The following DCAF16 variants were observed in gnomAD, a reference collection of about 807,000 sequenced individuals.
DCAF16 encodes DDB1- and CUL4-associated factor 16.
Under a neutral mutation model 17.3 loss-of-function variants are expected in DCAF16, and 10 were observed. The ratio of observed to expected loss-of-function variants is 0.58; its 90% CI spans 0.36 to 0.98. DCAF16 has a LOEUF of 0.98. Among genes scored for constraint, DCAF16 ranks in the 50% least tolerant of loss-of-function variants. The pLI is 0.01. For synonymous variants in DCAF16, 111 were observed against 92.8 expected (o/e 1.20, Z -1.12); for missense variants, 249 against 247.6 (o/e 1.01, Z -0.04).
chr4:17,809,117 G>A (rs1466230026), intron 1 of DCAF16, among the ~76,000 whole-genome samples: 1 of 152,196 alleles, frequency 6.6e-6, no homozygotes, highest in African/African-American at 2.4e-5. Flanking sequence ...ACTAGCAGCT[G>A]AATATCTACA....
chr4:17,807,933 C>T (rs1720478575), intron 1 of DCAF16, among the ~76,000 whole-genome samples: 1 of 148,582 alleles, frequency 6.7e-6, no homozygotes, highest in South Asian at 2.2e-4. Context: ...GGCTTTCACA[C>T]ACTCCTAGCA....
At chr4:17,794,610 T>G in the DCAF16 span, among the ~76,000 whole-genome samples, 3 of 152,224 alleles carry the variant, frequency 2.0e-5, no homozygotes, top group Non-Finnish European at 4.4e-5. Flanking sequence ...GAGATTTCCC[T>G]AAGCAAATCA....
chr4:17,810,080 T>A (rs1257064171), intron 1 of DCAF16, among the ~76,000 whole-genome samples: 2 of 152,190 alleles, frequency 1.3e-5, no homozygotes, highest in Admixed American at 6.5e-5. Flanking sequence ...TAGAAGTATA[T>A]TGTAGGGTGG....
chr4:17,794,777 T>A, the DCAF16 span, among the ~76,000 whole-genome samples: 805 of 152,344 alleles, frequency 5.3e-3, 5 homozygotes, highest in African/African-American at 0.019. Flanking sequence ...ATACTTTTAA[T>A]GTCAAATTTT....
chr4:17,804,103 T>C lies in DCAF16; in HGVS notation c.39A>G (p.Glu13=). Residue 13 remains glutamate (E), a synonymous_variant, in exon 3 of 3, where the codon GAA becomes GAG. Transcript: ENST00000382247. The part of the protein sequence containing the change: ...PRNPSPDHLS[E]SESEEEENIS... ...TATTTTCTTCTTCCTCACTTTCTGATTCTGACAAGTGGTCAGGAGAGGGAT... is the reference window on the plus strand; with the variant it reads ...TATTTTCTTCTTCCTCACTTTCTGACTCTGACAAGTGGTCAGGAGAGGGAT... The C allele has an allele frequency of 3.7e-6, 6 of 1,614,146 alleles. No homozygotes were observed. Among genetic ancestry groups the C allele is most frequent in the Non-Finnish European group, 5.1e-6 (6 of 1,180,010 alleles).
At position 17,803,399 on chromosome 4, in the gene DCAF16, A is replaced by T; in HGVS notation, c.*92T>A. ...GCTTGCCAGGGCATAAGAGAGTTTGACTGAGAAGGCATTAGTGGGCTGTGT... is the reference window on the plus strand; with the variant it reads ...GCTTGCCAGGGCATAAGAGAGTTTGTCTGAGAAGGCATTAGTGGGCTGTGT... On this transcript the variant is annotated 3_prime_UTR_variant, in exon 3 of 3. Coordinates refer to ENST00000382247, the MANE Select transcript of DCAF16 (RefSeq NM_017741.4). 8.2e-7 allele frequency: 1 copy of T among 1,217,788 alleles called. No individual in the cohort carries two copies. 75.4% of individuals were successfully genotyped at this position (1,217,788 alleles called of 1,614,324 possible). A position where few individuals can be genotyped will look rare whatever the true frequency, so the allele number is the denominator to read the frequency against.
downstream of DCAF16, among the ~76,000 whole-genome samples, chr4:17,798,139 T>C (rs1719511766): frequency 6.6e-6 from 1 of 152,136 alleles, no homozygotes; most frequent in South Asian, 2.1e-4. Flanking sequence ...ACTCCCCTAA[T>C]GATCCCAGGA....
Position 17,804,358 on chromosome 4 carries a change from TCA to T in DCAF16, c.-219_-218del, listed in dbSNP as rs1720111000. ...ATTCTTCACTTACAAAGAAGACATCTCAGTTTCCAGGACCAGTTCAGTGTGTA... is the reference window on the plus strand; with the variant it reads ...ATTCTTCACTTACAAAGAAGACATCTGTTTCCAGGACCAGTTCAGTGTGTA... On this transcript the variant is annotated 5_prime_UTR_variant, in exon 3 of 3. Coordinates refer to ENST00000382247, the MANE Select transcript of DCAF16 (RefSeq NM_017741.4). The T allele has an allele frequency of 1.7e-6, 1 of 572,674 alleles. No homozygotes were observed. Among genetic ancestry groups the T allele is most frequent in the Non-Finnish European group, 3.2e-6 (1 of 314,172 alleles). 35.5% of individuals were successfully genotyped at this position (572,674 alleles called of 1,614,324 possible).
In DCAF16 at chr4:17,810,620, C is replaced by T. The variant is rs1720831019; in HGVS notation, c.-923G>A. 6.5e-6 allele frequency: 1 copy of T among 153,284 alleles called. No individual in the cohort carries two copies. Among genetic ancestry groups the T allele is most frequent in the South Asian group, 2.1e-4 (1 of 4,870 alleles). The allele number at this position is 153,284 out of a possible 1,614,324, so 9.5% of individuals were successfully genotyped here. On this transcript the variant is annotated 5_prime_UTR_variant, in exon 1 of 3. Transcript: ENST00000382247. ...GAGGTTGTTATCCTCGGCAGATCTC[C>T]CGTTCTCACTCTTGGAGGATCGCTT... is the stretch of plus-strand genomic sequence containing the variant.
At position 17,803,658 on chromosome 4, in the gene DCAF16, T is replaced by C. The variant is rs368671695; in HGVS notation, c.484A>G (p.Ile162Val). 16 of 1,614,220 alleles carry C rather than the reference T, an allele frequency of 9.9e-6. No individual in the cohort carries two copies. Among genetic ancestry groups the C allele is most frequent in the East Asian group, 2.2e-5 (1 of 44,884 alleles). ...GGGATCTGTTTTAGGTATTCAGGTA[T>C]GGGAGTGGCTCTACTCAATGTTCGG... ...LSRTLSRATP[I>V]PEYLKQIPNS... The change falls in exon 3 of 3, where the codon ATA (isoleucine) becomes GTA (valine). Residue 162 changes from isoleucine to valine, a missense_variant. Transcript: ENST00000382247.
At position 17,801,600 on chromosome 4, in the gene DCAF16, A is replaced by T. The variant is rs1201862903; in HGVS notation, c.*1891T>A. On this transcript the variant is annotated 3_prime_UTR_variant, in exon 3 of 3. Transcript: ENST00000382247. ...CACACACAGATTTCATTTTATTTGT[A>T]GAGTATATGAAAAGATTTAATAGTC... is the stretch of plus-strand genomic sequence containing the variant. 6.7e-6 allele frequency: 1 copy of T among 150,212 alleles called. No homozygotes were observed. The highest frequency in any genetic ancestry group is 1.5e-5 in the Non-Finnish European group (1 of 68,032). 9.3% of individuals were successfully genotyped at this position (150,212 alleles called of 1,614,324 possible). A position where few individuals can be genotyped will look rare whatever the true frequency, so the allele number is the denominator to read the frequency against.
At chr4:17,796,544 T>A (rs978761201), downstream of DCAF16, among the ~76,000 whole-genome samples, 1 of 151,904 alleles carries the variant, frequency 6.6e-6, no homozygotes, top group African/African-American at 2.4e-5. Context: ...CCATCTCTAC[T>A]AAAATACAAA....
chr4:17,809,680 G>C (rs1720684678), intron 1 of DCAF16: 1 of 152,036 alleles, frequency 6.6e-6, no homozygotes, highest in African/African-American at 2.4e-5. Context: ...CTTTGGCTGG[G>C]TTACAAATTA....
downstream of DCAF16, among the ~76,000 whole-genome samples, chr4:17,795,885 G>A (rs1357610663): frequency 6.6e-6 from 1 of 152,194 alleles, no homozygotes; most frequent in Non-Finnish European, 1.5e-5. Flanking sequence ...CGAGGGTCAA[G>A]CTGTTTTTTT....
intron 1 of DCAF16, among the ~76,000 whole-genome samples, chr4:17,805,995 T>C (rs1254950280): frequency 2.0e-5 from 3 of 152,060 alleles, no homozygotes; most frequent in Non-Finnish European, 4.4e-5. Context: ...AAAAGTGAAA[T>C]TAGCTAAAGA....
intron 1 of DCAF16, among the ~76,000 whole-genome samples, chr4:17,805,966 T>TACA (rs909608696): frequency 6.6e-6 from 1 of 152,182 alleles, no homozygotes; most frequent in East Asian, 1.9e-4. Flanking sequence ...GACTCTTCTC[T>TACA]ACAACAACAA....
At position 17,803,561 on chromosome 4, in the gene DCAF16, G is replaced by A. The variant is rs1448230147; in HGVS notation, c.581C>T (p.Pro194Leu). ...AGTGTAAGAATAAGTAGTGTTGATG[G>A]GTTCAGTACGAGTTGTTTCCTTAAC... ...KTVKETTRTE[P>L]INTTYSYTDF... Residue 194 changes from proline (P) to leucine (L), a missense_variant, in exon 3 of 3, where the codon CCC becomes CTC. Pro to Leu is a moderately conservative substitution (Grantham distance 98, BLOSUM62 -3). Transcript: ENST00000382247. 6 of 1,614,040 alleles carry A rather than the reference G, an allele frequency of 3.7e-6. No homozygotes were observed. The highest frequency in any genetic ancestry group is 5.1e-6 in the Non-Finnish European group (6 of 1,180,004).
At position 17,801,135 on chromosome 4, in the gene DCAF16, C is replaced by T. The variant is rs190557491; in HGVS notation, c.*2356G>A. 37 of 151,844 alleles carry T rather than the reference C, an allele frequency of 2.4e-4. No individual in the cohort carries two copies. Among genetic ancestry groups the T allele is most frequent in the African/African-American group, 8.7e-4 (36 of 41,294 alleles). 9.4% of individuals were successfully genotyped at this position (151,844 alleles called of 1,614,324 possible). On this transcript the variant is annotated 3_prime_UTR_variant, in exon 3 of 3. Transcript: ENST00000382247. ...TATTTACACAATTTGTGATTCCTAA[C>T]CTTTTTTTTTTTTGAGACGGTGTCT...
rs906072770 is a variant in DCAF16 at position 17,810,714 on chromosome 4, G to C, written c.-1017C>G. 2.2e-5 allele frequency: 4 copies of C among 185,898 alleles called. No individual in the cohort carries two copies. Among genetic ancestry groups the C allele is most frequent in the Non-Finnish European group, 4.4e-5 (4 of 90,770 alleles). 11.5% of individuals were successfully genotyped at this position (185,898 alleles called of 1,614,324 possible). ...TAACGCCAGCAGCCCTTCCCCTCCG[G>C]TGGCAAGGCCACTCCGCTCAGCTCC... On this transcript the variant is annotated 5_prime_UTR_variant, in exon 1 of 3. Coordinates refer to ENST00000382247, the MANE Select transcript of DCAF16 (RefSeq NM_017741.4).
Sources: allele counts gnomAD v4.1 joint callset (sites outside exome capture counted in the v4.1 genomes callset), GRCh38; gene constraint gnomAD v4.1.1; transcripts MANE v1.5; gene names NCBI Gene and HGNC (gene_info 2026-07-23, HGNC 2026-07-21).